Variants in STAMBP observed in about 807,000 individuals in gnomAD.
STAMBP encodes STAM binding protein, also known as STAM-binding protein.
A neutral mutation model predicts 50.7 loss-of-function variants in STAMBP; 31 were observed. The ratio of observed to expected loss-of-function variants is 0.61; its 90% CI spans 0.46 to 0.83. The LOEUF is 0.83. Ranked by LOEUF, STAMBP falls within the 40% of genes least tolerant of loss-of-function variation. The pLI, the probability that STAMBP is intolerant of heterozygous loss-of-function variation, is 0.00. For synonymous variants in STAMBP, 211 were observed against 192.4 expected (o/e 1.10, Z -0.80); for missense variants, 472 against 518.9 (o/e 0.91, Z 0.88).
chr2:73,829,032 C>A lies in STAMBP; in HGVS notation c.-491C>A. 1 of 152,398 alleles carries A rather than the reference C, an allele frequency of 6.6e-6. No homozygotes were observed. Among genetic ancestry groups the A allele is most frequent in the Non-Finnish European group, 1.5e-5 (1 of 68,118 alleles). 9.4% of individuals were successfully genotyped at this position (152,398 alleles called of 1,614,324 possible). A position where few individuals can be genotyped will look rare whatever the true frequency, so the allele number is the denominator to read the frequency against. On this transcript the variant is annotated 5_prime_UTR_variant, in exon 1 of 10. Coordinates refer to ENST00000394070, the MANE Select transcript of STAMBP (RefSeq NM_213622.4). Reference sequence around the variant, plus strand: ...GTCCCGGGAACGTGGTGGGGCAGGGCCTCCGAGCGTGGTTGGACTTTGAAG... The same window carrying A: ...GTCCCGGGAACGTGGTGGGGCAGGGACTCCGAGCGTGGTTGGACTTTGAAG...
chr2:73,859,933 T>C, intron 8 of STAMBP, 119 bp from the exon 9 acceptor site: 1 of 662,038 alleles, frequency 1.5e-6, no homozygotes, highest in South Asian at 1.9e-5. Flanking sequence ...ACAGAAGCTG[T>C]CTCACAATGA....
rs1678867074 is a variant in STAMBP at position 73,866,143 on chromosome 2, A to G, written c.*3884A>G. 1 of 152,140 alleles carries G rather than the reference A, an allele frequency of 6.6e-6. No homozygotes were observed. The highest frequency in any genetic ancestry group is 1.5e-5 in the Non-Finnish European group (1 of 68,032). The allele number at this position is 152,140 out of a possible 1,614,324, so 9.4% of individuals were successfully genotyped here. On this transcript the variant is annotated 3_prime_UTR_variant, in exon 10 of 10. Transcript: ENST00000394070. ...TAATCCAGGGTTCAATTTTTAGTTC[A>G]CCTTAGCCTGTTTGAGATTAGAAGC...
chr2:73,873,540 C>G (rs1237570045), exon 11 of STAMBP: 2 of 152,262 alleles, frequency 1.3e-5, no homozygotes, highest in African/African-American at 4.8e-5. Flanking sequence ...CAACTAACAT[C>G]AGAGGTTTTT....
chr2:73,851,743 G>C (rs552662673), intron 7 of STAMBP, among the ~76,000 whole-genome samples: 13 of 151,584 alleles, frequency 8.6e-5, no homozygotes, highest in African/African-American at 3.1e-4. Context: ...GGATTCAAGC[G>C]ATTCTCCTAC....
intron 2 of STAMBP, among the ~76,000 whole-genome samples, chr2:73,834,877 G>A (rs950806420): frequency 8.5e-5 from 13 of 152,164 alleles, no homozygotes; most frequent in Non-Finnish European, 1.6e-4. Context: ...ATGTTCTGGG[G>A]ATTGAAAGAT....
chr2:73,852,006 T>A (rs867309571), intron 7 of STAMBP, among the ~76,000 whole-genome samples: 10 of 152,204 alleles, frequency 6.6e-5, no homozygotes, highest in African/African-American at 2.4e-4. Flanking sequence ...GGCAGAATTG[T>A]TCCACTTTTT....
Position 73,859,220 on chromosome 2 carries a change from G to A in STAMBP, c.1006-34G>A, listed in dbSNP as rs145666775. On this transcript the variant is annotated intron_variant, in intron 7 of 9. Coordinates refer to ENST00000394070, the MANE Select transcript of STAMBP (RefSeq NM_213622.4). ...TAAGGAGGGATTACCATATATCCTC[G>A]CTAAGAGTCCTCTGACTCTTTTTCT... 7.3e-5 allele frequency: 114 copies of A among 1,552,342 alleles called. No individual in the cohort carries two copies. The East Asian group carries it at 1.1e-3, about 15-fold the overall frequency.
downstream of STAMBP, chr2:73,867,260 T>G (rs757207916): frequency 6.6e-6 from 1 of 152,196 alleles, no homozygotes; most frequent in Non-Finnish European, 1.5e-5. Flanking sequence ...AATTAAAAAT[T>G]AACAATCAGC....
chr2:73,860,626 A>G, intron 9 of STAMBP: 1 of 909,714 alleles, frequency 1.1e-6, no homozygotes, highest in Non-Finnish European at 1.3e-6. Context: ...TGCTTAAATC[A>G]TAGGGGCTTT....
intron 7 of STAMBP, among the ~76,000 whole-genome samples, chr2:73,855,860 G>T (rs1677487476): frequency 6.6e-6 from 1 of 152,198 alleles, no homozygotes; most frequent in African/African-American, 2.4e-5. Context: ...GCAGGAGTCT[G>T]GGCTTTTGTC....
At position 73,863,176 on chromosome 2, in the gene STAMBP, T is replaced by G. The variant is rs1385269098; in HGVS notation, c.*917T>G. On this transcript the variant is annotated 3_prime_UTR_variant, in exon 10 of 10. Transcript: ENST00000394070. ...GGCTGAGGATAATGAAGCCTTTGTT[T>G]GGAGTACCAGGTTACACTCCAATAA... The G allele has an allele frequency of 6.6e-6, 1 of 152,244 alleles. No homozygotes were observed. The highest frequency in any genetic ancestry group is 2.4e-5 in the African/African-American group (1 of 41,460). 9.4% of individuals were successfully genotyped at this position (152,244 alleles called of 1,614,324 possible).
intron 1 of STAMBP, 74 bp from the exon 2 acceptor site, chr2:73,830,771 C>A: frequency 1.8e-6 from 2 of 1,129,808 alleles, no homozygotes; most frequent in Non-Finnish European, 2.6e-6. Flanking sequence ...AGGTAGAGGT[C>A]TGTGAGATAA....
At chr2:73,859,473 A>G (rs1678019894) in intron 8 of STAMBP, 107 bp downstream of exon 8, 4 of 856,146 alleles carry the variant, frequency 4.7e-6, no homozygotes, top group South Asian at 1.5e-5. Context: ...TAAAATACAT[A>G]GATTATAATG....
At chr2:73,852,129 A>G (rs1039637632) in intron 7 of STAMBP, among the ~76,000 whole-genome samples, 8 of 152,176 alleles carry the variant, frequency 5.3e-5, no homozygotes, top group African/African-American at 1.7e-4. Flanking sequence ...CAAGGAGATG[A>G]TTTAAGAGGT....
chr2:73,842,398 T>G (rs1158343964), intron 2 of STAMBP, among the ~76,000 whole-genome samples: 1 of 152,066 alleles, frequency 6.6e-6, no homozygotes, highest in African/African-American at 2.4e-5. Context: ...CAAGTGTATG[T>G]GTGATGCCAA....
chr2:73,862,302 A>G lies in STAMBP; in HGVS notation c.*43A>G, dbSNP rs763804434. The G allele has an allele frequency of 6.4e-7, 1 of 1,557,426 alleles. No homozygotes were observed. The highest frequency in any genetic ancestry group is 1.2e-5 in the South Asian group (1 of 84,798). On this transcript the variant is annotated 3_prime_UTR_variant, in exon 10 of 10. Coordinates refer to ENST00000394070, the MANE Select transcript of STAMBP (RefSeq NM_213622.4). ...CTTCCAAGAACAACAAAACCATATC[A>G]GTGTACTGTAGCCCCTTAATTTAAG...
intron 9 of STAMBP, among the ~76,000 whole-genome samples, chr2:73,861,451 C>A (rs72917403): frequency 6.6e-6 from 1 of 152,212 alleles, no homozygotes; most frequent in Admixed American, 6.5e-5. Flanking sequence ...AAATAGCAGT[C>A]TGGCTTCCAG....
chr2:73,836,512 G>A (rs1674730561), intron 2 of STAMBP, among the ~76,000 whole-genome samples: 1 of 152,248 alleles, frequency 6.6e-6, no homozygotes, highest in Admixed American at 6.5e-5. Context: ...TGTATGTGAG[G>A]GGTGGAGGAG....
At chr2:73,847,219 C>G (rs1456540019) in intron 4 of STAMBP, among the ~76,000 whole-genome samples, 168 bp from the exon 5 acceptor site, 3 of 152,018 alleles carry the variant, frequency 2.0e-5, no homozygotes. Context: ...GGGGTGGTGA[C>G]TACACTCCGT....
Sources: gnomAD v4.1 joint callset for allele counts (sites outside exome capture counted in the v4.1 genomes callset) on GRCh38, gnomAD v4.1.1 for gene constraint, MANE v1.5 for transcripts, NCBI Gene and HGNC (gene_info 2026-07-23, HGNC 2026-07-21) for gene names.